The following BMPR2 variants were observed in gnomAD, a reference collection of about 807,000 sequenced individuals.
BMPR2 encodes bone morphogenetic protein receptor type-2.
BMPR2 carries 29 observed loss-of-function variants against 100.8 expected under a neutral mutation model. The ratio of observed to expected loss-of-function variants is 0.29; its 90% CI spans 0.21 to 0.39. BMPR2 has a LOEUF of 0.39. BMPR2 is among the 10% of genes least tolerant of loss of function. BMPR2 has a pLI of 1.00. For missense variants in BMPR2, 1,011 were observed against 1,274.5 expected, an observed-to-expected ratio of 0.79 and a Z score of 3.15; for synonymous variants, 382 against 442.3, an observed-to-expected ratio of 0.86 and a Z score of 1.71.
chr2:202,386,203 G>T (rs144884824), intron 1 of BMPR2, among the ~76,000 whole-genome samples: 2 of 152,104 alleles, frequency 1.3e-5, no homozygotes, highest in African/African-American at 4.8e-5. Flanking sequence ...ATCTAAAGGC[G>T]TACAAGTTTC....
Position 202,437,340 on chromosome 2 carries a change from C to T in BMPR2, c.77-27469C>T, listed in dbSNP as rs539650397. Among the ~76,000 whole-genome samples, 9 of 150,874 alleles carry T rather than the reference C, an allele frequency of 6.0e-5. No individual in the cohort carries two copies. In the South Asian group the frequency reaches 1.9e-3, roughly 31 times the overall value. On this transcript the variant is annotated intron_variant, in intron 1 of 12. Coordinates refer to ENST00000374580, the MANE Select transcript of BMPR2 (RefSeq NM_001204.7). ...AATTTACCTCTTTAGGAATTTCAAC[C>T]TGACCATTTGTATCTCTTCTTATAT...
At chr2:202,445,843 C>T (rs200191642) in intron 1 of BMPR2, among the ~76,000 whole-genome samples, 1 of 143,700 alleles carries the variant, frequency 7.0e-6, no homozygotes, top group Non-Finnish European at 1.5e-5. Flanking sequence ...GGCACAATCT[C>T]GGCTCACTGC....
At chr2:202,556,850 C>A (rs1688582246) in intron 12 of BMPR2, among the ~76,000 whole-genome samples, 1 of 149,662 alleles carries the variant, frequency 6.7e-6, no homozygotes. Flanking sequence ...TTTGGGAGGC[C>A]AAGGCGGGCA....
At chr2:202,392,502 C>G (rs1042146693) in intron 1 of BMPR2, among the ~76,000 whole-genome samples, 1 of 152,104 alleles carries the variant, frequency 6.6e-6, no homozygotes, top group African/African-American at 2.4e-5. Context: ...TTATTTGATA[C>G]GTGTAAAATA....
Position 202,467,784 on chromosome 2 carries a change from C to T in BMPR2, c.418+95C>T, listed in dbSNP as rs564256401. 148 of 1,294,526 alleles carry T rather than the reference C, an allele frequency of 1.1e-4. 1 individual carries two copies. Among genetic ancestry groups the T allele is most frequent in the Admixed American group, 2.3e-4 (13 of 55,772 alleles). 80.2% of individuals were successfully genotyped at this position (1,294,526 alleles called of 1,614,324 possible). ...AAAAACATTCAAGGTTGAAGCCAGG[C>T]GTGATGGCTCATGCCTGTAATGCCA... On this transcript the variant is annotated intron_variant, in intron 3 of 12. Transcript: ENST00000374580.
At chr2:202,466,031 ATTATGTTATTTTCATGT>A (rs1692314012) in intron 2 of BMPR2, among the ~76,000 whole-genome samples, 2 of 152,040 alleles carry the variant, frequency 1.3e-5, no homozygotes, top group South Asian at 4.1e-4. Flanking sequence ...ATTGGTAGAC[ATTATGTTATTTTCATGT>A]TTTCACTGTA....
intron 2 of BMPR2, among the ~76,000 whole-genome samples, chr2:202,465,799 G>C (rs1054087304): frequency 1.3e-5 from 2 of 151,972 alleles, no homozygotes; most frequent in African/African-American, 4.8e-5. Context: ...CTTGCAGTGA[G>C]CCGAGATCGC....
At position 202,474,152 on chromosome 2, in the gene BMPR2, C is replaced by T. The variant is rs1349598230; in HGVS notation, c.418+6463C>T. On this transcript the variant is annotated intron_variant, in intron 3 of 12. Transcript: ENST00000374580. ...ATAAAATTACTAAAAACTGTGCAAA[C>T]TTAGCAAAGAAATAAGTGGATCGCC... 3.3e-5 allele frequency among the ~76,000 whole-genome samples: 5 copies of T among 150,650 alleles called. No homozygotes were observed. The South Asian group carries it at 6.3e-4, about 19-fold the overall frequency.
chr2:202,495,569 G>T lies in BMPR2; in HGVS notation c.419-18150G>T, dbSNP rs6751669. 0.046 allele frequency among the ~76,000 whole-genome samples: 7,017 copies of T among 152,120 alleles called. 536 individuals are homozygous for T. The highest frequency in any genetic ancestry group is 0.16 in the African/African-American group (6,643 of 41,452). On this transcript the variant is annotated intron_variant, in intron 3 of 12. Transcript: ENST00000374580. The surrounding 1 kb of genome is among the most constrained non-coding windows in gnomAD (Gnocchi z 4.5). Reference sequence around the variant, plus strand: ...GATGGGGACATGGCGGGTCCGGGTGGTCTTGGAAATGCAACATTTGGACGG... The same window carrying T: ...GATGGGGACATGGCGGGTCCGGGTGTTCTTGGAAATGCAACATTTGGACGG...
At position 202,446,097 on chromosome 2, in the gene BMPR2, T is replaced by A. The variant is rs190024990; in HGVS notation, c.77-18712T>A. Among the ~76,000 whole-genome samples the A allele has an allele frequency of 8.0e-4, 120 of 150,618 alleles. 10 individuals are homozygous for A. Among genetic ancestry groups the A allele is most frequent in the Middle Eastern group, 3.4e-3 (1 of 294 alleles). The stretch of plus-strand genomic sequence containing the variant: ...CCACAAACAATTTTATACAAAGAAT[T>A]TGAAATTTGAAAATTAACACAGGCT... On this transcript the variant is annotated intron_variant, in intron 1 of 12. Transcript: ENST00000374580.
chr2:202,515,021 A>G (rs1559061619), intron 5 of BMPR2, 42 bp downstream of exon 5: 3 of 1,502,350 alleles, frequency 2.0e-6, no homozygotes, highest in Middle Eastern at 1.7e-4. Context: ...TTCTACTGTG[A>G]TACTAGACCT....
intron 1 of BMPR2, among the ~76,000 whole-genome samples, chr2:202,398,038 A>T (rs944967896): frequency 2.6e-5 from 4 of 151,008 alleles, no homozygotes; most frequent in African/African-American, 9.7e-5. Context: ...TGCTCCTGAG[A>T]TTGGAGATTG....
intron 10 of BMPR2, among the ~76,000 whole-genome samples, chr2:202,544,141 CA>C (rs541812792): frequency 6.8e-6 from 1 of 147,594 alleles, no homozygotes; most frequent in Non-Finnish European, 1.5e-5. Context: ...GACCCCATCT[CA>C]AAAAAAAACA....
Position 202,495,631 on chromosome 2 carries a change from GGGT to G in BMPR2, c.419-18085_419-18083del, listed in dbSNP as rs1693009838. Among the ~76,000 whole-genome samples, 1 of 152,176 alleles carries G rather than the reference GGGT, an allele frequency of 6.6e-6. No homozygotes were observed. Among genetic ancestry groups the G allele is most frequent in the Admixed American group, 6.5e-5 (1 of 15,282 alleles). ...TGCCTGTCCTCACCTAGGTCTGTTGGGGTGGAGCCCTAGTCAGGGACGCACCTT... is the reference window on the plus strand; with the variant it reads ...TGCCTGTCCTCACCTAGGTCTGTTGGGGAGCCCTAGTCAGGGACGCACCTT... On this transcript the variant is annotated intron_variant, in intron 3 of 12. Coordinates refer to ENST00000374580, the MANE Select transcript of BMPR2 (RefSeq NM_001204.7). This position sits in a 1 kb window ranked among gnomAD's most constrained non-coding sequence, Gnocchi z 4.5.
chr2:202,487,251 G>A (rs1268549455), intron 3 of BMPR2, among the ~76,000 whole-genome samples: 1 of 152,002 alleles, frequency 6.6e-6, no homozygotes, highest in Non-Finnish European at 1.5e-5. Flanking sequence ...AAGTAACTTA[G>A]TCTGTTTTAT....
intron 1 of BMPR2, among the ~76,000 whole-genome samples, chr2:202,423,783 A>AGT (rs1393965711): frequency 6.6e-6 from 1 of 150,492 alleles, no homozygotes; most frequent in Non-Finnish European, 1.5e-5. Flanking sequence ...GGCCAGGTAC[A>AGT]GTGGCTCATG....
intron 1 of BMPR2, among the ~76,000 whole-genome samples, chr2:202,421,396 A>G (rs1355242152): frequency 2.0e-5 from 3 of 151,632 alleles, no homozygotes; most frequent in African/African-American, 4.8e-5. Flanking sequence ...TCTTCTCCAG[A>G]AATTTAACTT....
intron 10 of BMPR2, among the ~76,000 whole-genome samples, chr2:202,549,926 TAC>T (rs928074815): frequency 2.6e-5 from 4 of 151,602 alleles, no homozygotes; most frequent in Non-Finnish European, 5.9e-5. Context: ...GTGGAGGGAG[TAC>T]AGAGTCTCAT....
intron 3 of BMPR2, among the ~76,000 whole-genome samples, chr2:202,485,543 A>ACCTTT (rs1692756358): frequency 7.1e-5 from 1 of 14,052 alleles, no homozygotes; most frequent in Non-Finnish European, 1.9e-4. Context: ...CTTTGCCTTT[A>ACCTTT]TCTTTTTTTT....
Sources: allele counts gnomAD v4.1 joint callset (sites outside exome capture counted in the v4.1 genomes callset), GRCh38; gene constraint gnomAD v4.1.1; non-coding constraint Gnocchi (gnomAD v3.1); transcripts MANE v1.5; gene names NCBI Gene and HGNC (gene_info 2026-07-23, HGNC 2026-07-21).